Variants in BHLHE41 observed in about 807,000 individuals in gnomAD.
BHLHE41 encodes the protein basic helix-loop-helix family member e41, also known as class E basic helix-loop-helix protein 41.
A neutral mutation model predicts 24.0 loss-of-function variants in BHLHE41; 14 were observed. The observed-to-expected ratio is 0.58, with a 90% CI of 0.39 to 0.91. The LOEUF is 0.91. Among genes scored for constraint, BHLHE41 ranks in the 40% least tolerant of loss-of-function variants. The probability of loss-of-function intolerance (pLI) is 0.00; values close to 1 mark genes in which losing one functional copy is unlikely to be tolerated. For missense variants in BHLHE41, 674 were observed against 655.4 expected, an observed-to-expected ratio of 1.03 and a Z score of -0.31; for synonymous variants, 394 against 315.5, an observed-to-expected ratio of 1.25 and a Z score of -2.64.
Position 26,124,151 on chromosome 12 carries a change from A to G in BHLHE41, c.155T>C (p.Ile52Thr), listed in dbSNP as rs200957247. Residue 52 changes from isoleucine to threonine, a missense_variant, in exon 3 of 5, where the codon ATA (isoleucine) becomes ACA (threonine). Around this residue, in one of 3 missense-constraint regions of BHLHE41, gnomAD observed 67 missense variants for 62.4 expected, o/e 1.07. Transcript: ENST00000242728. Reference sequence around the variant, plus strand: ...AATTCGGTCTCTTCTTTTCTTTTCTATTAATCTGTGCGGTAATTTGTAGGT... The same window carrying G: ...AATTCGGTCTCTTCTTTTCTTTTCTGTTAATCTGTGCGGTAATTTGTAGGT... The part of the protein sequence containing the change: ...KDTYKLPHRL[I>T]EKKRRDRINE... The G allele has an allele frequency of 1.9e-6, 3 of 1,611,304 alleles. No homozygotes were observed. The highest frequency in any genetic ancestry group is 2.2e-5 in the East Asian group (1 of 44,866).
At position 26,124,960 on chromosome 12, in the gene BHLHE41, A is replaced by G. The variant is rs1301754144; in HGVS notation, c.-181T>C. ...GGTCCCCCCCCTCCACCGCGCTCGC[A>G]CACACACACGCACACACACGCACAC... On this transcript the variant is annotated 5_prime_UTR_variant, in exon 1 of 5. Transcript: ENST00000242728. 4.2e-5 allele frequency: 29 copies of G among 682,444 alleles called. No individual in the cohort carries two copies. The highest frequency in any genetic ancestry group is 3.8e-4 in the Middle Eastern group (1 of 2,638). The allele number at this position is 682,444 out of a possible 1,614,324, so 42.3% of individuals were successfully genotyped here.
At position 26,120,310 on chromosome 12, in the gene BHLHE41, G is replaced by C. The variant is rs1418855366; in HGVS notation, c.*1756C>G. ...GTAAGAATTTTTAAATCACAAAATAGTGTGGCAATATTTAGGTAATAGAAT... is the reference window on the plus strand; with the variant it reads ...GTAAGAATTTTTAAATCACAAAATACTGTGGCAATATTTAGGTAATAGAAT... On this transcript the variant is annotated 3_prime_UTR_variant, in exon 5 of 5. Transcript: ENST00000242728. The C allele has an allele frequency of 6.6e-6, 1 of 152,542 alleles. No individual in the cohort carries two copies. Among genetic ancestry groups the C allele is most frequent in the African/African-American group, 2.4e-5 (1 of 41,410 alleles). The allele number at this position is 152,542 out of a possible 1,614,324, so 9.4% of individuals were successfully genotyped here.
chr12:26,122,900 C>G lies in BHLHE41; in HGVS notation c.615G>C (p.Glu205Asp), dbSNP rs1018429890. ...GGGGCTCCAGCTTCTGCCCCGCGCG[C>G]TCCAGGCAGGGGGCGGCCGCGGACC... ...AAGSAAAPCL[E>D]RAGQKLEPLA... Residue 205 changes from glutamate (E) to aspartate (D), a missense_variant, in exon 5 of 5, where the codon GAG becomes GAC. This residue lies in a region of BHLHE41 where 602 missense variants were observed against 570.8 expected (regional missense o/e 1.05). Transcript: ENST00000242728. The G allele has an allele frequency of 1.5e-5, 24 of 1,548,856 alleles. No individual in the cohort carries two copies. The highest frequency in any genetic ancestry group is 2.0e-5 in the Non-Finnish European group (23 of 1,146,546).
rs1008727296 is a variant in BHLHE41 at position 26,124,262 on chromosome 12, G to GC, written c.127-84dup. 2.0e-3 allele frequency: 1,182 copies of GC among 577,624 alleles called. 5 individuals carry two copies. In the African/African-American group the frequency reaches 0.023, roughly 11 times the overall value. The allele number at this position is 577,624 out of a possible 1,614,324, so 35.8% of individuals were successfully genotyped here. A position where few individuals can be genotyped will look rare whatever the true frequency, so the allele number is the denominator to read the frequency against. On this transcript the variant is annotated intron_variant, in intron 2 of 4. Coordinates refer to ENST00000242728, the MANE Select transcript of BHLHE41 (RefSeq NM_030762.3). ...GATATTACCCTCGTCTGCCCCCCCCGCCCCCCCACCATAAAACATACTATG... is the reference window on the plus strand; with the variant it reads ...GATATTACCCTCGTCTGCCCCCCCCGCCCCCCCCACCATAAAACATACTATG...
In BHLHE41 at chr12:26,122,905, G is replaced by C; in HGVS notation, c.610C>G (p.Leu204Val). The C allele has an allele frequency of 6.5e-7, 1 of 1,549,832 alleles. No homozygotes were observed. Among genetic ancestry groups the C allele is most frequent in the Non-Finnish European group, 8.7e-7 (1 of 1,146,512 alleles). ...TCCAGCTTCTGCCCCGCGCGCTCCA[G>C]GCAGGGGGCGGCCGCGGACCCGGCG... ...SAAGSAAAPC[L>V]ERAGQKLEPL... is the part of the protein sequence containing the mutation. The change falls in exon 5 of 5, where the codon CTG (leucine) becomes GTG (valine). Residue 204 changes from leucine to valine, a missense_variant. By Grantham distance (32) the Leu-to-Val change is conservative. This residue lies in a region of BHLHE41 where 602 missense variants were observed against 570.8 expected (regional missense o/e 1.05). Coordinates refer to ENST00000242728, the MANE Select transcript of BHLHE41 (RefSeq NM_030762.3).
rs761139995 is a variant in BHLHE41 at position 26,123,153 on chromosome 12, T to G, written c.362A>C (p.Lys121Thr). The change falls in exon 5 of 5, where the codon AAA becomes ACA. Residue 121 changes from lysine (K) to threonine (T), a missense_variant. Physicochemically the swap from Lys to Thr is moderately conservative, Grantham distance 78. Transcript: ENST00000242728. ...ATCCAAGTCGGACTGAATGGGCGAT[T>G]TCAGAGATCGCTCCCCTAGGATGAG... Reference protein sequence around the residue: ...IALQNGERSLKSPIQSDLDAF... With the variant: ...IALQNGERSLTSPIQSDLDAF... 9 of 1,595,934 alleles carry G rather than the reference T, an allele frequency of 5.6e-6. No individual in the cohort carries two copies. Among genetic ancestry groups the G allele is most frequent in the Non-Finnish European group, 7.7e-6 (9 of 1,167,504 alleles).
Position 26,124,858 on chromosome 12 carries a change from C to G in BHLHE41, c.-79G>C. ...TCTGTGGGACGGTAGGCTTGGGAGACCTTGGGGGGATCTGTGCGTCTCCAG... is the reference window on the plus strand; with the variant it reads ...TCTGTGGGACGGTAGGCTTGGGAGAGCTTGGGGGGATCTGTGCGTCTCCAG... On this transcript the variant is annotated 5_prime_UTR_variant, in exon 1 of 5. Coordinates refer to ENST00000242728, the MANE Select transcript of BHLHE41 (RefSeq NM_030762.3). 2 of 1,388,400 alleles carry G rather than the reference C, an allele frequency of 1.4e-6. No homozygotes were observed. The highest frequency in any genetic ancestry group is 1.4e-5 in the African/African-American group (1 of 70,436). The allele number at this position is 1,388,400 out of a possible 1,614,324, so 86.0% of individuals were successfully genotyped here.
chr12:26,122,633 C>G lies in BHLHE41; in HGVS notation c.882G>C (p.Gly294=). The change falls in exon 5 of 5, where the codon GGG becomes GGC. Residue 294 remains glycine (G), a synonymous_variant. Coordinates refer to ENST00000242728, the MANE Select transcript of BHLHE41 (RefSeq NM_030762.3). ...CGGCTGCCGCCGCCGCCGCGCCGCC[C>G]CCCGGGCCGCCGCCGCTGCCGCCGC... ...SRGGGSGGGP[G]GGAAAAAAAL... The G allele has an allele frequency of 7.8e-7, 1 of 1,276,018 alleles. No individual in the cohort carries two copies. 79.0% of individuals were successfully genotyped at this position (1,276,018 alleles called of 1,614,324 possible). A position where few individuals can be genotyped will look rare whatever the true frequency, so the allele number is the denominator to read the frequency against.
rs1420793854 is a variant in BHLHE41 at position 26,122,892 on chromosome 12, C to T, written c.623G>A (p.Gly208Glu). Residue 208 changes from glycine to glutamate, a missense_variant, in exon 5 of 5, where the codon GGG becomes GAG. This residue lies in a region of BHLHE41 where 602 missense variants were observed against 570.8 expected (regional missense o/e 1.05). Coordinates refer to ENST00000242728, the MANE Select transcript of BHLHE41 (RefSeq NM_030762.3). ...GTAGGCGAGGGGCTCCAGCTTCTGC[C>T]CCGCGCGCTCCAGGCAGGGGGCGGC... ...SAAAPCLERA[G>E]QKLEPLAYCV... The T allele has an allele frequency of 6.4e-7, 1 of 1,550,602 alleles. No individual in the cohort carries two copies. Among genetic ancestry groups the T allele is most frequent in the Non-Finnish European group, 8.7e-7 (1 of 1,147,404 alleles).
rs776384936 is a variant in BHLHE41, at chr12:26,124,622, G to A, written c.63-40C>T. On this transcript the variant is annotated intron_variant, in intron 1 of 4. Transcript: ENST00000242728. ...TCAGCATCAGGCACCCATTCGGGGAGGGGCTCTGCCCTCGCCAGCTCCATA... is the reference window on the plus strand; with the variant it reads ...TCAGCATCAGGCACCCATTCGGGGAAGGGCTCTGCCCTCGCCAGCTCCATA... 6 of 1,613,176 alleles carry A rather than the reference G, an allele frequency of 3.7e-6. No individual in the cohort carries two copies. The Admixed American group carries it at 1.0e-4, about 27-fold the overall frequency.
At position 26,122,955 on chromosome 12, in the gene BHLHE41, C is replaced by T. The variant is rs544770656; in HGVS notation, c.560G>A (p.Ser187Asn). The change falls in exon 5 of 5, where the codon AGC (serine) becomes AAC (asparagine). Residue 187 changes from serine (S) to asparagine (N), a missense_variant. Coordinates refer to ENST00000242728, the MANE Select transcript of BHLHE41 (RefSeq NM_030762.3). Reference protein sequence around the residue: ...PQLLTQQVPLSKGTGAPSAAG... With the variant: ...PQLLTQQVPLNKGTGAPSAAG... Reference sequence around the variant, plus strand: ...GGCCGAGGGAGCGCCGGTGCCTTTGCTCAGAGGGACCTGTTGAGTCAACAG... The same window carrying T: ...GGCCGAGGGAGCGCCGGTGCCTTTGTTCAGAGGGACCTGTTGAGTCAACAG... 1.9e-6 allele frequency: 3 copies of T among 1,558,452 alleles called. No individual in the cohort carries two copies. The highest frequency in any genetic ancestry group is 1.9e-5 in the Admixed American group (1 of 51,884).
Position 26,121,935 on chromosome 12 carries a change from G to A in BHLHE41, c.*131C>T. The A allele has an allele frequency of 6.5e-7, 1 of 1,535,048 alleles. No individual in the cohort carries two copies. The highest frequency in any genetic ancestry group is 8.8e-7 in the Non-Finnish European group (1 of 1,139,948). ...TGTTTTGTTGTTCTTGTTTATGCCTGTCGTGCATCTATTACACTTCCTCCC... is the reference window on the plus strand; with the variant it reads ...TGTTTTGTTGTTCTTGTTTATGCCTATCGTGCATCTATTACACTTCCTCCC... On this transcript the variant is annotated 3_prime_UTR_variant, in exon 5 of 5. Coordinates refer to ENST00000242728, the MANE Select transcript of BHLHE41 (RefSeq NM_030762.3).
Position 26,122,099 on chromosome 12 carries a change from T to G in BHLHE41, c.1416A>C (p.Glu472Asp). The G allele has an allele frequency of 1.3e-6, 2 of 1,549,734 alleles. No homozygotes were observed. The highest frequency in any genetic ancestry group is 1.7e-6 in the Non-Finnish European group (2 of 1,146,544). The change falls in exon 5 of 5, where the codon GAA becomes GAC. Residue 472 changes from glutamate (E) to aspartate (D), a missense_variant. This residue lies in a region of BHLHE41 where 602 missense variants were observed against 570.8 expected (regional missense o/e 1.05). Transcript: ENST00000242728. The part of the protein sequence containing the change: ...EPGNPESSAQ[E>D]DPSQPGKEAP ...CTTCCTTTCCTGGCTGCGAGGGATC[T>G]TCCTGAGCAGAGCTCTCCGGGTTCC...
At chr12:26,124,252 T>TGGGGGGGGCGGGGG in intron 2 of BHLHE41, 73 bp from the exon 3 acceptor site, 1 of 879,456 alleles carries the variant, frequency 1.1e-6, no homozygotes, top group Non-Finnish European at 1.8e-6. Flanking sequence ...TACCCTCGTC[T>TGGGGGGGGCGGGGG]GCCCCCCCCG....
Position 26,125,037 on chromosome 12 carries a change from G to C in BHLHE41, c.-258C>G, listed in dbSNP as rs1300139104. The C allele has an allele frequency of 1.0e-5, 6 of 576,544 alleles. No homozygotes were observed. The highest frequency in any genetic ancestry group is 1.9e-5 in the Non-Finnish European group (6 of 318,092). 35.7% of individuals were successfully genotyped at this position (576,544 alleles called of 1,614,324 possible). ...TTTGCTCTCACTCCAGGCAGTGTTT[G>C]GCCACAGGGCACGCGCGTCGCCGGC... On this transcript the variant is annotated 5_prime_UTR_variant, in exon 1 of 5. Coordinates refer to ENST00000242728, the MANE Select transcript of BHLHE41 (RefSeq NM_030762.3).
chr12:26,122,991 G>A lies in BHLHE41; in HGVS notation c.524C>T (p.Pro175Leu), dbSNP rs774365575. The change falls in exon 5 of 5, where the codon CCC becomes CTC. Residue 175 changes from proline to leucine, a missense_variant. Pro to Leu is a moderately conservative substitution (Grantham distance 98, BLOSUM62 -3). Around this residue, in one of 3 missense-constraint regions of BHLHE41, gnomAD observed 602 missense variants for 570.8 expected, o/e 1.05. Coordinates refer to ENST00000242728, the MANE Select transcript of BHLHE41 (RefSeq NM_030762.3). Reference sequence around the variant, plus strand: ...CTGTTGAGTCAACAGCTGCGGGGTGGGCAAGAACTGGGTGGCCACGGCGTG... The same window carrying A: ...CTGTTGAGTCAACAGCTGCGGGGTGAGCAAGAACTGGGTGGCCACGGCGTG... ...HLHAVATQFLPTPQLLTQQVP... is the reference protein window; with the variant it reads ...HLHAVATQFLLTPQLLTQQVP... 3.7e-5 allele frequency: 58 copies of A among 1,565,794 alleles called. No homozygotes were observed. Among genetic ancestry groups the A allele is most frequent in the Non-Finnish European group, 5.0e-5 (58 of 1,154,752 alleles).
At chr12:26,123,299 C>G (rs77757339) in intron 4 of BHLHE41, 131 bp from the exon 5 acceptor site, 100 of 1,259,060 alleles carry the variant, frequency 7.9e-5, no homozygotes, top group Non-Finnish European at 1.1e-4. Flanking sequence ...CCCCAGTATT[C>G]AAGTGATATA....
rs1944318052 is a variant in BHLHE41 at position 26,122,455 on chromosome 12, G to A, written c.1060C>T (p.Leu354Phe). The change falls in exon 5 of 5, where the codon CTC (leucine) becomes TTC (phenylalanine). Residue 354 changes from leucine (L) to phenylalanine (F), a missense_variant. By Grantham distance (22) the Leu-to-Phe change is conservative. Coordinates refer to ENST00000242728, the MANE Select transcript of BHLHE41 (RefSeq NM_030762.3). ...AAPFCLPFCF[L>F]SPSAAAAYVQ... Reference sequence around the variant, plus strand: ...TAGGCGGCAGCTGCAGAAGGCGAGAGGAAGCAGAAGGGCAGGCAGAAGGGG... The same window carrying A: ...TAGGCGGCAGCTGCAGAAGGCGAGAAGAAGCAGAAGGGCAGGCAGAAGGGG... 1.5e-6 allele frequency: 2 copies of A among 1,356,994 alleles called. No homozygotes were observed. Among genetic ancestry groups the A allele is most frequent in the South Asian group, 1.6e-5 (1 of 61,330 alleles). 84.1% of individuals were successfully genotyped at this position (1,356,994 alleles called of 1,614,324 possible). A position where few individuals can be genotyped will look rare whatever the true frequency, so the allele number is the denominator to read the frequency against.
rs1342300439 is a variant in BHLHE41 at position 26,121,399 on chromosome 12, G to A, written c.*667C>T. 6.6e-6 allele frequency: 1 copy of A among 152,620 alleles called. No homozygotes were observed. The highest frequency in any genetic ancestry group is 1.5e-5 in the Non-Finnish European group (1 of 68,066). The allele number at this position is 152,620 out of a possible 1,614,324, so 9.5% of individuals were successfully genotyped here. On this transcript the variant is annotated 3_prime_UTR_variant, in exon 5 of 5. Transcript: ENST00000242728. The stretch of plus-strand genomic sequence containing the variant: ...TTCTTTAACGAGTGCAAGTTACTAA[G>A]AGATACCATTTAAACCACTTCAGAA...
Sources: gnomAD v4.1 joint callset for allele counts on GRCh38, gnomAD v4.1.1 for gene constraint, gnomAD v4.1.1 regional missense constraint, MANE v1.5 for transcripts, NCBI Gene and HGNC (gene_info 2026-07-23, HGNC 2026-07-21) for gene names.